Variants in GABRA3 observed in about 807,000 individuals in gnomAD.
GABRA3 encodes the protein gamma-aminobutyric acid receptor subunit alpha-3.
A neutral mutation model predicts 30.1 loss-of-function variants in GABRA3; 10 were observed. The ratio of observed to expected loss-of-function variants is 0.33; its 90% CI spans 0.20 to 0.56. The LOEUF (loss-of-function observed/expected upper bound fraction) is 0.56, where lower values mean the gene tolerates loss of function less well. Among genes scored for constraint, GABRA3 ranks in the 20% least tolerant of loss-of-function variants. The pLI is 0.89. For synonymous variants in GABRA3, 151 were observed against 146.8 expected, an observed-to-expected ratio of 1.03 and a Z score of -0.21; for missense variants, 233 against 392.0, an observed-to-expected ratio of 0.59 and a Z score of 3.42.
chrX:152,435,309 G>A (rs1427784197), intron 1 of GABRA3, among the ~76,000 whole-genome samples: 2 of 111,026 alleles, frequency 1.8e-5, no homozygotes, highest in Non-Finnish European at 3.8e-5. Context: ...TGTTTATTGC[G>A]GCACTGTTCA....
chrX:152,287,423 G>A (rs947366453), intron 3 of GABRA3, among the ~76,000 whole-genome samples: 2 of 110,718 alleles, frequency 1.8e-5, no homozygotes, highest in Non-Finnish European at 3.8e-5. Context: ...ATGATAATGA[G>A]TGAATTTCAT....
At chrX:152,389,734 G>A (rs1030895278) in intron 1 of GABRA3, among the ~76,000 whole-genome samples, 4 of 111,387 alleles carry the variant, frequency 3.6e-5, no homozygotes, top group African/African-American at 1.3e-4. Context: ...AGATGATATA[G>A]AAGGAGACAA....
intron 6 of GABRA3, among the ~76,000 whole-genome samples, chrX:152,217,958 T>G (rs891580993): frequency 8.2e-5 from 9 of 109,439 alleles, no homozygotes; most frequent in African/African-American, 3.0e-4. Flanking sequence ...AATTCTTTAT[T>G]TTATTTATTT....
chrX:152,320,945 C>T (rs1171438716), intron 3 of GABRA3, among the ~76,000 whole-genome samples: 1 of 111,734 alleles, frequency 8.9e-6, no homozygotes, highest in Admixed American at 9.5e-5. Flanking sequence ...CAAAAATAAA[C>T]ATGCTAAAAT....
At chrX:152,402,516 A>T (rs1436781067) in intron 1 of GABRA3, among the ~76,000 whole-genome samples, 2 of 111,776 alleles carry the variant, frequency 1.8e-5, no homozygotes, top group East Asian at 5.6e-4. Flanking sequence ...AAACTAGATG[A>T]TGACTAAACT....
At chrX:152,245,162 T>C (rs1402686495) in intron 5 of GABRA3, among the ~76,000 whole-genome samples, 1 of 110,154 alleles carries the variant, frequency 9.1e-6, no homozygotes, top group Non-Finnish European at 1.9e-5. Flanking sequence ...GTATGAGCCA[T>C]ACCGAAAGCA....
At position 152,255,974 on chromosome X, in the gene GABRA3, G is replaced by T. The variant is rs750973085; in HGVS notation, c.355C>A (p.Arg119=). ...AGTCTTTCATCATGCCATGTCTGCC[G>T]AAAAAATACATCAATAGTGTACTCC... ...DMEYTIDVFF[R]QTWHDERLKF... Residue 119 remains arginine (R), a synonymous_variant, in exon 5 of 10, where the codon CGG becomes AGG. Transcript: ENST00000370314. 2.5e-6 allele frequency: 3 copies of T among 1,203,649 alleles called. No individual in the cohort carries two copies. Among genetic ancestry groups the T allele is most frequent in the South Asian group, 3.5e-5 (2 of 56,698 alleles).
At chrX:152,406,986 C>G (rs1380983080) in intron 1 of GABRA3, among the ~76,000 whole-genome samples, 1 of 111,705 alleles carries the variant, frequency 9.0e-6, no homozygotes, top group Non-Finnish European at 1.9e-5. Flanking sequence ...TAAATATGTT[C>G]CTGAATGACC....
intron 3 of GABRA3, among the ~76,000 whole-genome samples, chrX:152,300,354 C>T (rs1023665476): frequency 1.8e-5 from 2 of 111,196 alleles, no homozygotes. Context: ...ACCCACAGAA[C>T]GCAAGGCAGA....
intron 9 of GABRA3, among the ~76,000 whole-genome samples, chrX:152,186,249 G>C (rs1937252256): frequency 9.0e-6 from 1 of 111,036 alleles, no homozygotes; most frequent in Non-Finnish European, 1.9e-5. Context: ...CCGAGTCTCT[G>C]TCTGTTGCCC....
intron 1 of GABRA3, among the ~76,000 whole-genome samples, chrX:152,375,026 C>A (rs1166936136): frequency 9.0e-6 from 1 of 111,231 alleles, no homozygotes; most frequent in Admixed American, 9.5e-5. Context: ...GGACCATGTT[C>A]ATGGATAGGA....
At chrX:152,273,964 A>C (rs959489780) in intron 4 of GABRA3, among the ~76,000 whole-genome samples, 1 of 111,980 alleles carries the variant, frequency 8.9e-6, no homozygotes, top group Non-Finnish European at 1.9e-5. Context: ...TGCTATGTAC[A>C]TACAAGAGAC....
intron 1 of GABRA3, among the ~76,000 whole-genome samples, chrX:152,374,337 C>CTTTTTTTTTTTTTTTTT (rs55927249): frequency 4.8e-5 from 2 of 41,678 alleles, no homozygotes; most frequent in African/African-American, 9.7e-5. Context: ...CTTTTCTTTT[C>CTTTTTTTTTTTTTTTTT]TTTTTTTTTT....
rs747241466 is a variant in GABRA3, at chrX:152,435,719, T to C, written c.-27+15427A>G. On this transcript the variant is annotated intron_variant, in intron 1 of 9. Coordinates refer to ENST00000370314, the MANE Select transcript of GABRA3 (RefSeq NM_000808.4). ...GTAACAAACCTGCACATTCTGCACA[T>C]GTGCCCCAGAACTTAAAGTAAAGGA... Among the ~76,000 whole-genome samples, 77 of 110,819 alleles carry C rather than the reference T, an allele frequency of 6.9e-4. 2 individuals are homozygous for C. Among genetic ancestry groups the C allele is most frequent in the Non-Finnish European group, 1.1e-4 (6 of 52,902 alleles).
chrX:152,233,406 C>A (rs1432974414), intron 5 of GABRA3, among the ~76,000 whole-genome samples: 1 of 110,061 alleles, frequency 9.1e-6, no homozygotes, highest in Non-Finnish European at 1.9e-5. Flanking sequence ...AGACACTTCT[C>A]AAAAGAAGAC....
chrX:152,312,145 T>C (rs1167421297), intron 3 of GABRA3, among the ~76,000 whole-genome samples: 2 of 111,437 alleles, frequency 1.8e-5, no homozygotes, highest in Non-Finnish European at 3.8e-5. Context: ...ACCAAAGCAA[T>C]GTACAGATTC....
At chrX:152,191,722 T>C (rs928435325) in intron 8 of GABRA3, among the ~76,000 whole-genome samples, 3 of 110,113 alleles carry the variant, frequency 2.7e-5, no homozygotes, top group Non-Finnish European at 5.7e-5. Context: ...ACCTTACTTA[T>C]ATATTTGCTA....
At chrX:152,282,164 T>C (rs1053179893) in intron 4 of GABRA3, among the ~76,000 whole-genome samples, 7 of 111,745 alleles carry the variant, frequency 6.3e-5, no homozygotes, top group Non-Finnish European at 1.3e-4. Context: ...GCAGCGTAAT[T>C]TTCCCCCTTT....
chrX:152,262,444 C>T (rs1005905740), intron 4 of GABRA3, among the ~76,000 whole-genome samples: 5 of 111,968 alleles, frequency 4.5e-5, no homozygotes, highest in Middle Eastern at 4.2e-3. Context: ...GAAATTTCTT[C>T]CACCAGATAC....
Sources: allele counts gnomAD v4.1 joint callset (sites outside exome capture counted in the v4.1 genomes callset), GRCh38; gene constraint gnomAD v4.1.1; transcripts MANE v1.5; gene names NCBI Gene and HGNC (gene_info 2026-07-23, HGNC 2026-07-21).